IL1RAPL1: variants seen among roughly 807,000 people sequenced by gnomAD.
The protein encoded by IL1RAPL1 is interleukin-1 receptor accessory protein-like 1.
Under a neutral mutation model 48.4 loss-of-function variants are expected in IL1RAPL1, and 3 were observed. The observed-to-expected ratio is 0.06, with a 90% CI of 0.03 to 0.16. The LOEUF (loss-of-function observed/expected upper bound fraction) is 0.16. Among genes scored for constraint, IL1RAPL1 ranks in the 10% least tolerant of loss-of-function variants. The pLI is 1.00. For synonymous variants in IL1RAPL1, 185 were observed against 187.7 expected, an observed-to-expected ratio of 0.99 and a Z score of 0.12; for missense variants, 349 against 530.6, an observed-to-expected ratio of 0.66 and a Z score of 3.36.
At chrX:29,092,624 T>G (rs1602053227) in intron 2 of IL1RAPL1, among the ~76,000 whole-genome samples, 1 of 112,253 alleles carries the variant, frequency 8.9e-6, no homozygotes, top group Middle Eastern at 4.6e-3. Flanking sequence ...ACTACTGTTT[T>G]AATTAATATA....
intron 3 of IL1RAPL1, among the ~76,000 whole-genome samples, chrX:29,318,606 A>T (rs1932778871): frequency 8.9e-6 from 1 of 112,666 alleles, no homozygotes; most frequent in African/African-American, 3.2e-5. Context: ...TCACAGAAAG[A>T]TGCCTATGCA....
At chrX:29,782,198 G>A (rs1352739892) in intron 6 of IL1RAPL1, among the ~76,000 whole-genome samples, 1 of 109,348 alleles carries the variant, frequency 9.1e-6, no homozygotes, top group Non-Finnish European at 1.9e-5. Flanking sequence ...AGAGAGAGGC[G>A]GAACATAAAT....
chrX:29,638,413 T>C (rs936664954), intron 5 of IL1RAPL1, among the ~76,000 whole-genome samples: 1 of 111,242 alleles, frequency 9.0e-6, no homozygotes, highest in East Asian at 2.8e-4. Flanking sequence ...GTAAACACCT[T>C]CTGGGTCCAT....
At chrX:29,893,660 T>A (rs1932317943) in intron 6 of IL1RAPL1, among the ~76,000 whole-genome samples, 1 of 111,935 alleles carries the variant, frequency 8.9e-6, no homozygotes, top group South Asian at 3.7e-4. Context: ...TTGTTTGTAC[T>A]GAGATATACA....
chrX:29,351,247 G>C (rs1375876718), intron 3 of IL1RAPL1, among the ~76,000 whole-genome samples: 1 of 111,870 alleles, frequency 8.9e-6, no homozygotes, highest in Non-Finnish European at 1.9e-5. Flanking sequence ...ATGACACTTG[G>C]TTTATTCTGA....
chrX:28,802,739 A>G lies in IL1RAPL1; in HGVS notation c.82+13314A>G, dbSNP rs151100904. 4.5e-5 allele frequency among the ~76,000 whole-genome samples: 5 copies of G among 112,118 alleles called. No individual in the cohort carries two copies. In the East Asian group the frequency reaches 1.4e-3, roughly 32 times the overall value. On this transcript the variant is annotated intron_variant, in intron 2 of 10. Transcript: ENST00000378993. ...GAAATATATTGTCATATCAGAAAAA[A>G]TGCAACTATCTGAAAAGAGGATTCT...
intron 6 of IL1RAPL1, among the ~76,000 whole-genome samples, chrX:29,762,202 T>C (rs999452203): frequency 1.8e-5 from 2 of 111,739 alleles, no homozygotes; most frequent in Non-Finnish European, 3.8e-5. Context: ...TGCGAGACAG[T>C]GTGCGGTAGA....
chrX:28,883,720 TA>T (rs1322395217), intron 2 of IL1RAPL1, among the ~76,000 whole-genome samples: 1 of 112,338 alleles, frequency 8.9e-6, no homozygotes, highest in Non-Finnish European at 1.9e-5. Context: ...TTTTAGCATA[TA>T]AAAATTTATT....
intron 6 of IL1RAPL1, among the ~76,000 whole-genome samples, chrX:29,829,226 C>T (rs191530411): frequency 9.4e-6 from 1 of 105,857 alleles, no homozygotes; most frequent in Non-Finnish European, 1.9e-5. Flanking sequence ...TTATTACACC[C>T]TCCATGGAAC....
chrX:29,578,951 C>T (rs1228940946), intron 5 of IL1RAPL1, among the ~76,000 whole-genome samples: 1 of 111,947 alleles, frequency 8.9e-6, no homozygotes, highest in Non-Finnish European at 1.9e-5. Context: ...TATGGCCTTA[C>T]TCATGTATCA....
chrX:29,106,172 T>C (rs1435574151), intron 2 of IL1RAPL1, among the ~76,000 whole-genome samples: 1 of 111,787 alleles, frequency 8.9e-6, no homozygotes, highest in African/African-American at 3.3e-5. Context: ...AAAGATAGGA[T>C]TTATAGAGAT....
chrX:28,951,901 T>C (rs1490396178), intron 2 of IL1RAPL1, among the ~76,000 whole-genome samples: 1 of 111,339 alleles, frequency 9.0e-6, no homozygotes, highest in Non-Finnish European at 1.9e-5. Context: ...TGCTGGCTTT[T>C]AATGACCTTA....
At chrX:29,595,384 A>G (rs1343707908) in intron 5 of IL1RAPL1, among the ~76,000 whole-genome samples, 1 of 112,017 alleles carries the variant, frequency 8.9e-6, no homozygotes, top group African/African-American at 3.2e-5. Flanking sequence ...TTTATACTAC[A>G]TCCATGCTAA....
chrX:28,977,857 T>C (rs764685326), intron 2 of IL1RAPL1, among the ~76,000 whole-genome samples: 18 of 111,818 alleles, frequency 1.6e-4, no homozygotes, highest in Non-Finnish European at 3.0e-4. Context: ...CTCTGGAGGC[T>C]GAGGCAGGAG....
At chrX:29,301,115 C>T (rs1932527596) in intron 3 of IL1RAPL1, among the ~76,000 whole-genome samples, 1 of 111,373 alleles carries the variant, frequency 9.0e-6, no homozygotes, top group South Asian at 3.8e-4. Flanking sequence ...TTGTAATTGC[C>T]GTAATTTCCT....
At chrX:28,632,028 T>C (rs760668813) in intron 1 of IL1RAPL1, among the ~76,000 whole-genome samples, 2 of 112,519 alleles carry the variant, frequency 1.8e-5, no homozygotes, top group Non-Finnish European at 3.8e-5. Flanking sequence ...ATAAAACTTA[T>C]AGAAAAATGC....
intron 2 of IL1RAPL1, among the ~76,000 whole-genome samples, chrX:28,876,232 C>T (rs1922368660): frequency 8.9e-6 from 1 of 111,749 alleles, no homozygotes; most frequent in Non-Finnish European, 1.9e-5. Flanking sequence ...CTGAGGAAGA[C>T]TCCAAGTGGA....
At chrX:28,835,487 G>A (rs1422991300) in intron 2 of IL1RAPL1, among the ~76,000 whole-genome samples, 1 of 111,085 alleles carries the variant, frequency 9.0e-6, no homozygotes, top group Non-Finnish European at 1.9e-5. Flanking sequence ...ATCCAGCACA[G>A]TGGGGGGAAC....
At chrX:29,627,003 A>G (rs1323514652) in intron 5 of IL1RAPL1, among the ~76,000 whole-genome samples, 2 of 112,572 alleles carry the variant, frequency 1.8e-5, no homozygotes, top group Non-Finnish European at 3.7e-5. Context: ...GATACTCCCC[A>G]GAGAAAAAGA....
Sources: gnomAD v4.1 joint callset for allele counts (sites outside exome capture counted in the v4.1 genomes callset) on GRCh38, gnomAD v4.1.1 for gene constraint, MANE v1.5 for transcripts, NCBI Gene and HGNC (gene_info 2026-07-23, HGNC 2026-07-21) for gene names.